ADAM10: variants seen among roughly 807,000 people sequenced by gnomAD.
ADAM10 encodes ADAM metallopeptidase domain 10.
In ADAM10, 17 loss-of-function variants were observed where a neutral mutation model predicts 90.1. The ratio of observed to expected loss-of-function variants is 0.19; its 90% confidence interval spans 0.13 to 0.28. The LOEUF (loss-of-function observed/expected upper bound fraction) is 0.28, where lower values mean the gene tolerates loss of function less well. Among genes scored for constraint, ADAM10 ranks in the 10% least tolerant of loss-of-function variants. ADAM10 has a pLI of 1.00. For synonymous variants in ADAM10, 310 were observed against 298.6 expected (o/e 1.04, Z -0.40); for missense variants, 610 against 914.3 (o/e 0.67, Z 4.29).
At chr15:58,680,415 G>A (rs1022116513) in intron 3 of ADAM10, among the ~76,000 whole-genome samples, 1 of 152,072 alleles carries the variant, frequency 6.6e-6, no homozygotes, top group Non-Finnish European at 1.5e-5. Context: ...GAGTCACCAC[G>A]CCCAGCCTAT....
chr15:58,705,026 T>C (rs1290839589), intron 2 of ADAM10, among the ~76,000 whole-genome samples: 1 of 152,166 alleles, frequency 6.6e-6, no homozygotes, highest in Non-Finnish European at 1.5e-5. Context: ...GCAAGTAAGA[T>C]ATAGAAATAA....
At chr15:58,724,036 G>C (rs188103752) in intron 1 of ADAM10, among the ~76,000 whole-genome samples, 2 of 152,178 alleles carry the variant, frequency 1.3e-5, no homozygotes, top group Non-Finnish European at 1.5e-5. Context: ...TTCAAGACCA[G>C]CCTGGCCAAC....
At chr15:58,702,192 G>A (rs1898155156) in intron 2 of ADAM10, among the ~76,000 whole-genome samples, 1 of 152,166 alleles carries the variant, frequency 6.6e-6, no homozygotes, top group African/African-American at 2.4e-5. Context: ...ACTAAGCCAA[G>A]CACAAAAAGA....
chr15:58,743,113 T>G (rs1303066082), intron 1 of ADAM10, among the ~76,000 whole-genome samples: 1 of 152,002 alleles, frequency 6.6e-6, no homozygotes, highest in Non-Finnish European at 1.5e-5. Context: ...GCATGTCACA[T>G]AGAGCTGCCC....
intron 2 of ADAM10, among the ~76,000 whole-genome samples, chr15:58,682,714 A>G (rs1235936439): frequency 6.6e-6 from 1 of 152,120 alleles, no homozygotes; most frequent in African/African-American, 2.4e-5. Flanking sequence ...CTTACTTTCT[A>G]CAAGTTAAAT....
chr15:58,649,236 C>A (rs1002031927), intron 5 of ADAM10, among the ~76,000 whole-genome samples: 3 of 152,008 alleles, frequency 2.0e-5, no homozygotes, highest in Non-Finnish European at 4.4e-5. Context: ...ACTTGACTTA[C>A]CAAAATCAAA....
chr15:58,638,047 G>C (rs1312147089), intron 8 of ADAM10, among the ~76,000 whole-genome samples: 1 of 152,124 alleles, frequency 6.6e-6, no homozygotes, highest in East Asian at 1.9e-4. Context: ...ACTCGAAAAA[G>C]TTGGACCAAA....
At chr15:58,740,533 T>A (rs185391403) in intron 1 of ADAM10, among the ~76,000 whole-genome samples, 15 of 152,368 alleles carry the variant, frequency 9.8e-5, no homozygotes, top group Middle Eastern at 6.8e-3. Flanking sequence ...TGCATACTTA[T>A]GCGTTTTAAC....
intron 2 of ADAM10, among the ~76,000 whole-genome samples, chr15:58,705,021 T>C (rs1186301516): frequency 1.3e-5 from 2 of 152,190 alleles, no homozygotes; most frequent in Non-Finnish European, 2.9e-5. Context: ...CAAATGCAAG[T>C]AAGATATAGA....
At chr15:58,689,362 T>C (rs953760718) in intron 2 of ADAM10, among the ~76,000 whole-genome samples, 5 of 152,148 alleles carry the variant, frequency 3.3e-5, no homozygotes, top group African/African-American at 9.7e-5. Context: ...GGTGTGCATC[T>C]GTAGTCCCAG....
intron 7 of ADAM10, among the ~76,000 whole-genome samples, chr15:58,642,322 G>T (rs1056235170): frequency 6.6e-6 from 1 of 151,862 alleles, no homozygotes. Context: ...AAAATTAGCC[G>T]GGCATGACAG....
At chr15:58,691,429 A>C in intron 2 of ADAM10, 1 of 672,760 alleles carries the variant, frequency 1.5e-6, no homozygotes, top group Non-Finnish European at 2.9e-6. Flanking sequence ...TGCTCTTTGC[A>C]CTCACCAATG....
At chr15:58,694,341 T>A (rs1489015021) in intron 2 of ADAM10, among the ~76,000 whole-genome samples, 2 of 151,938 alleles carry the variant, frequency 1.3e-5, no homozygotes, top group Non-Finnish European at 2.9e-5. Context: ...ATCTCAGTGA[T>A]TTGGGAGGCT....
chr15:58,600,056 A>G (rs1895067120), intron 14 of ADAM10, among the ~76,000 whole-genome samples: 1 of 152,148 alleles, frequency 6.6e-6, no homozygotes, highest in Non-Finnish European at 1.5e-5. Context: ...ATATAGTTAT[A>G]TTGCATTTTC....
rs968631083 is a variant in ADAM10 at position 58,589,372 on chromosome 15, A to G, written c.*8175T>C. 1.3e-5 allele frequency: 2 copies of G among 152,230 alleles called. No individual in the cohort carries two copies. Among genetic ancestry groups the G allele is most frequent in the Non-Finnish European group, 2.9e-5 (2 of 68,046 alleles). 9.4% of individuals were successfully genotyped at this position (152,230 alleles called of 1,614,324 possible). A position where few individuals can be genotyped will look rare whatever the true frequency, so the allele number is the denominator to read the frequency against. On this transcript the variant is annotated 3_prime_UTR_variant, in exon 16 of 16. Coordinates refer to ENST00000260408, the MANE Select transcript of ADAM10 (RefSeq NM_001110.4). ...GACTAGTTAGAGCAAACTTTTACCG[A>G]AACTCCAAAACTCAGGTCCAGCTTT...
chr15:58,612,734 T>C (rs775112816), intron 11 of ADAM10, among the ~76,000 whole-genome samples: 1 of 152,096 alleles, frequency 6.6e-6, no homozygotes, highest in Non-Finnish European at 1.5e-5. Context: ...CCAGAGCACC[T>C]CTTCCCTGGA....
rs568816700 is a variant in ADAM10, at chr15:58,732,603, G to A, written c.56-14876C>T. On this transcript the variant is annotated intron_variant, in intron 1 of 15. Coordinates refer to ENST00000260408, the MANE Select transcript of ADAM10 (RefSeq NM_001110.4). ...CACACCTGTAGTCCCAGCTACTTGG[G>A]TGGCTGAGGCAGGAAAATCACTTGA... 4.6e-5 allele frequency: 7 copies of A among 152,332 alleles called. No individual in the cohort carries two copies. In the East Asian group the frequency reaches 1.3e-3, roughly 29 times the overall value. 9.4% of individuals were successfully genotyped at this position (152,332 alleles called of 1,614,324 possible).
rs749030755 is a variant in ADAM10, at chr15:58,717,731, T to TA, written c.56-5dup. ...TTTAAAGGATTCCCATACTGACCTA[T>TA]AAAAAAAAAACAACATTCTGAATTA... On this transcript the variant is annotated splice_region_variant and splice_polypyrimidine_tract_variant and intron_variant, in intron 1 of 15. Coordinates refer to ENST00000260408, the MANE Select transcript of ADAM10 (RefSeq NM_001110.4). 0.014 allele frequency: 15,718 copies of TA among 1,144,838 alleles called. 1 individual carries two copies. The highest frequency in any genetic ancestry group is 0.022 in the East Asian group (653 of 29,856). The allele number at this position is 1,144,838 out of a possible 1,614,324, so 70.9% of individuals were successfully genotyped here.
chr15:58,652,378 T>C (rs1896711173), intron 5 of ADAM10, among the ~76,000 whole-genome samples: 1 of 152,204 alleles, frequency 6.6e-6, no homozygotes, highest in Non-Finnish European at 1.5e-5. Context: ...AGTGGAGCAC[T>C]TAAATTTAAG....
Sources: allele counts gnomAD v4.1 joint callset (sites outside exome capture counted in the v4.1 genomes callset), GRCh38; gene constraint gnomAD v4.1.1; transcripts MANE v1.5; gene names NCBI Gene and HGNC (gene_info 2026-07-23, HGNC 2026-07-21).